The following EIF3D variants were observed in gnomAD, a reference collection of about 807,000 sequenced individuals.
EIF3D encodes the protein eIF3 p66.
In EIF3D, 10 loss-of-function variants were observed where a neutral mutation model predicts 75.4. That is an observed-to-expected ratio of 0.13 (90% confidence interval 0.08 to 0.22). EIF3D has a LOEUF of 0.22. Among genes scored for constraint, EIF3D ranks in the 10% least tolerant of loss-of-function variants. EIF3D has a pLI of 1.00. For synonymous variants in EIF3D, 246 were observed against 248.3 expected (o/e 0.99, Z 0.09); for missense variants, 394 against 708.0 (o/e 0.56, Z 5.03).
In EIF3D at chr22:36,523,971, G is replaced by T. The variant is rs1389415395; in HGVS notation, c.316C>A (p.Arg106Ser). ...NRMRFAQRNL[R>S]RDKDRRNMLQ... Reference sequence around the variant, plus strand: ...ATGTTCCGACGATCTTTGTCTCTGCGGAGGTTCCTCTGGGCATCAGCAAGA... The same window carrying T: ...ATGTTCCGACGATCTTTGTCTCTGCTGAGGTTCCTCTGGGCATCAGCAAGA... Residue 106 changes from arginine (R) to serine (S), a missense_variant, in exon 5 of 15, where the codon CGC becomes AGC. Arg to Ser is a moderately radical substitution (Grantham distance 110). Coordinates refer to ENST00000216190, the MANE Select transcript of EIF3D (RefSeq NM_003753.4). The T allele has an allele frequency of 6.2e-7, 1 of 1,613,934 alleles. No individual in the cohort carries two copies. The highest frequency in any genetic ancestry group is 1.3e-5 in the African/African-American group (1 of 74,886).
intron 3 of EIF3D, among the ~76,000 whole-genome samples, chr22:36,525,372 T>C (rs192676910): frequency 3.3e-5 from 5 of 150,742 alleles, no homozygotes; most frequent in Admixed American, 2.0e-4. Flanking sequence ...GCCACCCGAG[T>C]AGCTGGGATT....
rs781748190 is a variant in EIF3D at position 36,520,582 on chromosome 22, T to C, written c.572A>G (p.Gln191Arg). The C allele has an allele frequency of 1.2e-6, 2 of 1,610,554 alleles. No homozygotes were observed. The highest frequency in any genetic ancestry group is 2.2e-5 in the South Asian group (2 of 90,978). Reference protein sequence around the residue: ...KMRYLEVSEPQDIECCGALEY... With the variant: ...KMRYLEVSEPRDIECCGALEY... ...AGTAAAAGATGCTGCTTACATGTCC[T>C]GTGGCTCTGATACTTCCAAGTAGCG... Residue 191 changes from glutamine to arginine, a missense_variant, in exon 7 of 15, where the codon CAG becomes CGG. Transcript: ENST00000216190.
At chr22:36,518,223 G>A (rs1934457679) in intron 9 of EIF3D, among the ~76,000 whole-genome samples, 1 of 152,072 alleles carries the variant, frequency 6.6e-6, no homozygotes, top group African/African-American at 2.4e-5. Flanking sequence ...AGGTGTGTTG[G>A]CTCACACCTC....
In EIF3D at chr22:36,511,565, T is replaced by C. The variant is rs1934337134; in HGVS notation, c.1571A>G (p.Asp524Gly). ...KQVIRVYSLP[D>G]GTFSSDEDEE... ...ATCTTCATCAGAGCTGAAGGTGCCA[T>C]CAGGGAGGCTGTAGACACGGATGAC... The change falls in exon 14 of 15, where the codon GAT becomes GGT. Residue 524 changes from aspartate to glycine, a missense_variant. Transcript: ENST00000216190. The C allele has an allele frequency of 6.2e-7, 1 of 1,613,916 alleles. No homozygotes were observed. The highest frequency in any genetic ancestry group is 1.3e-5 in the African/African-American group (1 of 74,884).
rs924950765 is a variant in EIF3D, at chr22:36,519,648, C to A, written c.579-111G>T. On this transcript the variant is annotated intron_variant, in intron 7 of 14. Transcript: ENST00000216190. Reference sequence around the variant, plus strand: ...CCAAAAGTCTAAAAGAGGTGGAAAGCAATCTCTGGCCAGAGCAGGAGAGAC... The same window carrying A: ...CCAAAAGTCTAAAAGAGGTGGAAAGAAATCTCTGGCCAGAGCAGGAGAGAC... 14 of 1,456,036 alleles carry A rather than the reference C, an allele frequency of 9.6e-6. No homozygotes were observed. In the African/African-American group the frequency reaches 1.1e-4, roughly 12 times the overall value. 90.2% of individuals were successfully genotyped at this position (1,456,036 alleles called of 1,614,324 possible). A position where few individuals can be genotyped will look rare whatever the true frequency, so the allele number is the denominator to read the frequency against.
At position 36,512,604 on chromosome 22, in the gene EIF3D, TGCA is replaced by T; in HGVS notation, c.1207-5_1207-3del. The T allele has an allele frequency of 6.2e-7, 1 of 1,610,692 alleles. No individual in the cohort carries two copies. The highest frequency in any genetic ancestry group is 8.5e-7 in the Non-Finnish European group (1 of 1,177,248). On this transcript the variant is annotated splice_polypyrimidine_tract_variant and splice_region_variant and intron_variant, in intron 12 of 14. Transcript: ENST00000216190. Reference sequence around the variant, plus strand: ...ACGCCAGTCAACGCCATTACAGTGCTGCAGGAGAGCCCCGTTAGAGAAACAGAA... The same window carrying T: ...ACGCCAGTCAACGCCATTACAGTGCTGGAGAGCCCCGTTAGAGAAACAGAA...
At chr22:36,525,919 G>C in intron 2 of EIF3D, 80 bp downstream of exon 2, 1 of 1,530,868 alleles carries the variant, frequency 6.5e-7, no homozygotes, top group Non-Finnish European at 8.8e-7. Flanking sequence ...TTAAGATTTT[G>C]AGACAATAAA....
Position 36,515,901 on chromosome 22 carries a change from G to A in EIF3D, c.1206+577C>T, listed in dbSNP as rs546273652. On this transcript the variant is annotated intron_variant, in intron 12 of 14. Coordinates refer to ENST00000216190, the MANE Select transcript of EIF3D (RefSeq NM_003753.4). ...TTCAACAGGTGATGTGGGCGGGGGG[G>A]CGGATTGGGAGGGGTGGGGTGGAAA... Among the ~76,000 whole-genome samples, 34 of 145,530 alleles carry A rather than the reference G, an allele frequency of 2.3e-4. 1 individual carries two copies. The East Asian group carries it at 7.7e-3, about 33-fold the overall frequency.
intron 8 of EIF3D, 23 bp downstream of exon 8, chr22:36,519,382 G>A: frequency 6.2e-7 from 1 of 1,613,626 alleles, no homozygotes; most frequent in East Asian, 2.2e-5. Flanking sequence ...ACAAGGGGGA[G>A]AGGGGCAGAA....
At chr22:36,515,202 G>A (rs187338872) in intron 12 of EIF3D, among the ~76,000 whole-genome samples, 143 of 152,300 alleles carry the variant, frequency 9.4e-4, no homozygotes, top group African/African-American at 3.3e-3. Flanking sequence ...CACAGCACTG[G>A]ACTTCTAACC....
chr22:36,525,963 C>T, intron 2 of EIF3D, 36 bp downstream of exon 2: 4 of 1,574,166 alleles, frequency 2.5e-6, no homozygotes, highest in Non-Finnish European at 3.4e-6. Flanking sequence ...GCAGCCACAG[C>T]TGCAAAGATT....
rs766764274 is a variant in EIF3D, at chr22:36,518,907, C to T, written c.715G>A (p.Ala239Thr). The T allele has an allele frequency of 1.2e-6, 2 of 1,613,944 alleles. No individual in the cohort carries two copies. The highest frequency in any genetic ancestry group is 2.2e-5 in the East Asian group (1 of 44,876). The change falls in exon 9 of 15, where the codon GCA (alanine) becomes ACA (threonine). Residue 239 changes from alanine (A) to threonine (T), a missense_variant. By Grantham distance (58) the Ala-to-Thr change is moderately conservative. Transcript: ENST00000216190. ...GCAAACACATTCCCCTGAGTTTTTG[C>T]CAGCTGCAAAGAGGATCAAAGAGAG... Reference protein sequence around the residue: ...TTDDPVIRKLAKTQGNVFATD... With the variant: ...TTDDPVIRKLTKTQGNVFATD...
intron 1 of EIF3D, among the ~76,000 whole-genome samples, chr22:36,528,213 G>A (rs1934636867): frequency 6.6e-6 from 1 of 152,036 alleles, no homozygotes; most frequent in Non-Finnish European, 1.5e-5. Flanking sequence ...TGTCAGTCCA[G>A]CCTTCTTTCC....
chr22:36,516,129 T>A (rs62230002), intron 12 of EIF3D: 4,953 of 189,942 alleles, frequency 0.026, 103 homozygotes, highest in Non-Finnish European at 0.039. Flanking sequence ...CCAACCCAGA[T>A]AATAAGGAGA....
intron 6 of EIF3D, among the ~76,000 whole-genome samples, chr22:36,522,336 CAG>C (rs1047189722): frequency 9.2e-5 from 14 of 152,234 alleles, no homozygotes; most frequent in African/African-American, 3.1e-4. Context: ...GCCTGGGTGA[CAG>C]AGCAAGACTC....
intron 3 of EIF3D, among the ~76,000 whole-genome samples, chr22:36,525,293 G>C (rs1934581831): frequency 6.9e-6 from 1 of 145,162 alleles, no homozygotes; most frequent in African/African-American, 2.6e-5. Flanking sequence ...CACCAGGCTG[G>C]AGTACAATAG....
Position 36,516,348 on chromosome 22 carries a change from A to G in EIF3D, c.1206+130T>C, listed in dbSNP as rs1006208160. ...GGAAAAAACTCACAAGACAAAAAAA[A>G]ACATCCAGGTAGCTCTATAAGTAAC... On this transcript the variant is annotated intron_variant, in intron 12 of 14. Transcript: ENST00000216190. 25 of 1,189,946 alleles carry G rather than the reference A, an allele frequency of 2.1e-5. 1 individual carries two copies. In the African/African-American group the frequency reaches 3.2e-4, roughly 15 times the overall value. 73.7% of individuals were successfully genotyped at this position (1,189,946 alleles called of 1,614,324 possible).
In EIF3D at chr22:36,516,462, G is replaced by T. The variant is rs1441930409; in HGVS notation, c.1206+16C>A. The T allele has an allele frequency of 1.9e-6, 3 of 1,611,862 alleles. No individual in the cohort carries two copies. In the African/African-American group the frequency reaches 4.0e-5, roughly 22 times the overall value. ...GACATGGTGTCACCAGGAGGGTGAT[G>T]GAGATGGCGGCTCACCCTGGAATCC... On this transcript the variant is annotated intron_variant, in intron 12 of 14. Coordinates refer to ENST00000216190, the MANE Select transcript of EIF3D (RefSeq NM_003753.4).
At chr22:36,525,115 T>G (rs1354311060) in intron 3 of EIF3D, among the ~76,000 whole-genome samples, 1 of 152,184 alleles carries the variant, frequency 6.6e-6, no homozygotes, top group Non-Finnish European at 1.5e-5. Flanking sequence ...CACGATATAC[T>G]TTCTTGCCAA....
Sources: gnomAD v4.1 joint callset for allele counts (sites outside exome capture counted in the v4.1 genomes callset) on GRCh38, gnomAD v4.1.1 for gene constraint, MANE v1.5 for transcripts, NCBI Gene and HGNC (gene_info 2026-07-23, HGNC 2026-07-21) for gene names.